Variants in NXNL2 observed in about 807,000 individuals in gnomAD.
The protein encoded by NXNL2 is nucleoredoxin-like protein 2.
A neutral mutation model predicts 11.1 loss-of-function variants in NXNL2; 7 were observed. The ratio of observed to expected loss-of-function variants is 0.63; its 90% CI spans 0.36 to 1.18. The LOEUF (loss-of-function observed/expected upper bound fraction) is 1.18, where lower values mean the gene tolerates loss of function less well. NXNL2 is among the 50% of genes most tolerant of loss of function. The pLI is 0.02. For synonymous variants in NXNL2, 109 were observed against 101.8 expected (o/e 1.07, Z -0.42); for missense variants, 233 against 217.7 (o/e 1.07, Z -0.44).
At chr9:88,537,324 C>T (rs547087191) in intron 1 of NXNL2, among the ~76,000 whole-genome samples, 8 of 152,222 alleles carry the variant, frequency 5.3e-5, no homozygotes, top group East Asian at 1.9e-4. Context: ...TGGTCCCCAG[C>T]GGCACACAGA....
intron 1 of NXNL2, among the ~76,000 whole-genome samples, chr9:88,543,857 T>C (rs1829807718): frequency 6.6e-6 from 1 of 152,090 alleles, no homozygotes; most frequent in Non-Finnish European, 1.5e-5. Context: ...AGCTCTCTGG[T>C]GTGGAATTGG....
At chr9:88,580,424 G>A (rs950131602), downstream of NXNL2, among the ~76,000 whole-genome samples, 4 of 152,196 alleles carry the variant, frequency 2.6e-5, no homozygotes, top group South Asian at 8.3e-4. Context: ...CAAAGTGCTA[G>A]GATTACCTTG....
At chr9:88,583,018 T>C (rs1213609554) in intron 1 of NXNL2, among the ~76,000 whole-genome samples, 1 of 152,146 alleles carries the variant, frequency 6.6e-6, no homozygotes, top group Non-Finnish European at 1.5e-5. Context: ...GGTTGGGCAT[T>C]TCTTCTAGTT....
At chr9:88,558,465 T>A (rs1004858725) in intron 1 of NXNL2, among the ~76,000 whole-genome samples, 3 of 152,160 alleles carry the variant, frequency 2.0e-5, no homozygotes, top group African/African-American at 7.2e-5. Context: ...AATGGATAGA[T>A]GTAAGTGAAG....
exon 2 of NXNL2, chr9:88,571,138 T>C: frequency 2.6e-6 from 1 of 383,258 alleles, no homozygotes; most frequent in Non-Finnish European, 5.0e-6. Flanking sequence ...TGATCTTAGC[T>C]CACTGCAACC....
At chr9:88,578,128 C>T (rs551041475), downstream of NXNL2, among the ~76,000 whole-genome samples, 2 of 152,292 alleles carry the variant, frequency 1.3e-5, no homozygotes, top group South Asian at 4.1e-4. Context: ...CTGGCAATGT[C>T]CTCAAGTATA....
At chr9:88,583,005 G>A (rs1830425795) in intron 1 of NXNL2, among the ~76,000 whole-genome samples, 2 of 152,282 alleles carry the variant, frequency 1.3e-5, no homozygotes, top group South Asian at 4.1e-4. Flanking sequence ...TAGTCTAGGA[G>A]TTGGTTGGGC....
intron 2 of NXNL2, among the ~76,000 whole-genome samples, chr9:88,573,363 C>T (rs1335355173): frequency 6.6e-6 from 1 of 152,128 alleles, no homozygotes; most frequent in Non-Finnish European, 1.5e-5. Flanking sequence ...AGGTTGGTTT[C>T]GAACTCCTGG....
intron 1 of NXNL2, among the ~76,000 whole-genome samples, chr9:88,555,917 T>C (rs957798019): frequency 6.6e-6 from 1 of 152,120 alleles, no homozygotes; most frequent in Admixed American, 6.5e-5. Flanking sequence ...GCTGTTGTGG[T>C]TGGGTGGGCA....
chr9:88,544,578 G>A lies in NXNL2; in HGVS notation c.*31G>A. 1.8e-5 allele frequency: 27 copies of A among 1,490,032 alleles called. No individual in the cohort carries two copies. Among genetic ancestry groups the A allele is most frequent in the Non-Finnish European group, 2.3e-5 (26 of 1,115,556 alleles). 92.3% of individuals were successfully genotyped at this position (1,490,032 alleles called of 1,614,324 possible). A position where few individuals can be genotyped will look rare whatever the true frequency, so the allele number is the denominator to read the frequency against. On this transcript the variant is annotated 3_prime_UTR_variant, in exon 2 of 2. Coordinates refer to ENST00000375854, the MANE Select transcript of NXNL2 (RefSeq NM_001161625.2). ...GAGGGACCTCAGAGGGCCAGGACAG[G>A]TGCTGCTTCTCCAGCACCGACGCTG... is the stretch of plus-strand genomic sequence containing the variant.
chr9:88,576,381 T>C (rs954890207), downstream of NXNL2, among the ~76,000 whole-genome samples: 1 of 152,170 alleles, frequency 6.6e-6, no homozygotes, highest in Non-Finnish European at 1.5e-5. Flanking sequence ...GACTCACACT[T>C]ATGTGGTGGC....
At chr9:88,582,809 C>T (rs1244588253) in intron 1 of NXNL2, among the ~76,000 whole-genome samples, 1 of 152,130 alleles carries the variant, frequency 6.6e-6, no homozygotes, top group Non-Finnish European at 1.5e-5. Flanking sequence ...GCTGGGATTA[C>T]AGATATGTGC....
chr9:88,583,095 T>C (rs972289018), intron 1 of NXNL2, among the ~76,000 whole-genome samples: 3 of 152,308 alleles, frequency 2.0e-5, no homozygotes, highest in Admixed American at 6.5e-5. Flanking sequence ...GCCAGGCAGC[T>C]AGGACACCTT....
intron 1 of NXNL2, 110 bp downstream of exon 1, chr9:88,535,846 C>T: frequency 1.2e-6 from 1 of 807,894 alleles, no homozygotes; most frequent in South Asian, 1.8e-5. Context: ...CCCCCAACAC[C>T]TCCCCGTCTC....
chr9:88,566,655 A>G (rs917983154), intron 1 of NXNL2, among the ~76,000 whole-genome samples: 2 of 152,102 alleles, frequency 1.3e-5, no homozygotes, highest in Non-Finnish European at 2.9e-5. Context: ...TTATATTTAA[A>G]TCTTTAATCC....
chr9:88,576,838 C>T (rs1308014738), downstream of NXNL2, among the ~76,000 whole-genome samples: 1 of 152,128 alleles, frequency 6.6e-6, no homozygotes, highest in Non-Finnish European at 1.5e-5. Flanking sequence ...CAGACACAGC[C>T]CCTGCCATGT....
intron 1 of NXNL2, among the ~76,000 whole-genome samples, chr9:88,560,175 G>T (rs930266656): frequency 3.3e-5 from 5 of 151,998 alleles, no homozygotes; most frequent in African/African-American, 1.2e-4. Context: ...ATGAAAAAAG[G>T]CCTGGTCACT....
intron 1 of NXNL2, among the ~76,000 whole-genome samples, chr9:88,563,929 G>A (rs1326116673): frequency 1.3e-5 from 2 of 151,686 alleles, no homozygotes; most frequent in Admixed American, 6.6e-5. Context: ...CCCTTCTCTG[G>A]GCCGGGCGCG....
chr9:88,547,756 C>G (rs1345190698), downstream of NXNL2, among the ~76,000 whole-genome samples: 2 of 152,146 alleles, frequency 1.3e-5, no homozygotes, highest in East Asian at 3.9e-4. Flanking sequence ...GTGGCTCATG[C>G]CTATAATCCC....
Sources: gnomAD v4.1 joint callset for allele counts (sites outside exome capture counted in the v4.1 genomes callset) on GRCh38, gnomAD v4.1.1 for gene constraint, MANE v1.5 for transcripts, NCBI Gene and HGNC (gene_info 2026-07-23, HGNC 2026-07-21) for gene names.